Variants in SLC12A2 observed in about 807,000 individuals in gnomAD.
The protein encoded by SLC12A2 is Na-K-2Cl cotransporter 1.
SLC12A2 carries 67 observed loss-of-function variants against 136.3 expected under a neutral mutation model. The ratio of observed to expected loss-of-function variants is 0.49; its 90% CI spans 0.40 to 0.60. The LOEUF (loss-of-function observed/expected upper bound fraction) is 0.60, where lower values mean the gene tolerates loss of function less well. Among genes scored for constraint, SLC12A2 ranks in the 20% least tolerant of loss-of-function variants. SLC12A2 has a pLI of 0.00. For synonymous variants in SLC12A2, 619 were observed against 562.9 expected (o/e 1.10, Z -1.41); for missense variants, 1,322 against 1,534.7 (o/e 0.86, Z 2.32).
intron 18 of SLC12A2, 49 bp downstream of exon 18, chr5:128,167,916 T>C: frequency 8.9e-7 from 1 of 1,124,982 alleles, no homozygotes; most frequent in Non-Finnish European, 1.3e-6. Flanking sequence ...AAAATGTTAA[T>C]TTTGAAAGCT....
chr5:128,151,135 C>A, intron 13 of SLC12A2, 106 bp from the exon 14 acceptor site: 1 of 913,458 alleles, frequency 1.1e-6, no homozygotes, highest in Non-Finnish European at 1.6e-6. Context: ...GCTTAAAGTC[C>A]TCTCAGTGTG....
intron 18 of SLC12A2, chr5:128,168,652 G>A (rs1478209200): frequency 6.6e-6 from 1 of 152,226 alleles, no homozygotes; most frequent in African/African-American, 2.4e-5. Flanking sequence ...CCGTCTGGGG[G>A]TGATGGGAGA....
chr5:128,184,344 G>A (rs2126761294), intron 24 of SLC12A2, 22 bp from the exon 25 acceptor site: 1 of 1,409,616 alleles, frequency 7.1e-7, no homozygotes, highest in South Asian at 1.4e-5. Flanking sequence ...TTAGTTGTCA[G>A]TATTCTTTCT....
intron 20 of SLC12A2, among the ~76,000 whole-genome samples, chr5:128,176,757 G>A (rs1202971722): frequency 6.6e-6 from 1 of 151,974 alleles, no homozygotes; most frequent in East Asian, 1.9e-4. Flanking sequence ...CAATATCAAT[G>A]TTTAATGTCA....
intron 10 of SLC12A2, among the ~76,000 whole-genome samples, chr5:128,143,394 A>C (rs530726261): frequency 6.6e-6 from 1 of 152,272 alleles, no homozygotes; most frequent in East Asian, 1.9e-4. Context: ...TTAATTCTGA[A>C]TGGATACTAG....
At chr5:128,131,954 G>A (rs780632312) in intron 5 of SLC12A2, among the ~76,000 whole-genome samples, 3 of 152,300 alleles carry the variant, frequency 2.0e-5, no homozygotes, top group South Asian at 4.1e-4. Context: ...GCGGTGAGCC[G>A]AGATCGCGCC....
chr5:128,186,399 CTGTTA>C, intron 26 of SLC12A2, 92 bp from the exon 27 acceptor site: 1 of 1,173,904 alleles, frequency 8.5e-7, no homozygotes, highest in Non-Finnish European at 1.2e-6. Context: ...TTTACAGTAA[CTGTTA>C]TTGTAATCTA....
At chr5:128,120,506 A>G (rs1268792301) in intron 4 of SLC12A2, among the ~76,000 whole-genome samples, 1 of 151,706 alleles carries the variant, frequency 6.6e-6, no homozygotes, top group East Asian at 1.9e-4. Context: ...TGGCACATAT[A>G]CACCATGGAA....
Position 128,131,202 on chromosome 5 carries a change from T to C in SLC12A2, c.1184T>C (p.Leu395Pro). 3.7e-6 allele frequency: 6 copies of C among 1,614,128 alleles called. No homozygotes were observed. Among genetic ancestry groups the C allele is most frequent in the Non-Finnish European group, 5.1e-6 (6 of 1,179,966 alleles). Residue 395 changes from leucine (L) to proline (P), a missense_variant, in exon 5 of 27, where the codon CTT (leucine) becomes CCT (proline). This residue lies in a region of SLC12A2 where 110 missense variants were observed against 114.5 expected (regional missense o/e 0.96). Coordinates refer to ENST00000262461, the MANE Select transcript of SLC12A2 (RefSeq NM_001046.3). ...TTTGCAGAAACCGTGGTGGAGTTGC[T>C]TAAGGTAATTCACCTTCCTTCTAGT... Reference protein sequence around the residue: ...VGFAETVVELLKEHSILMIDE... With the variant: ...VGFAETVVELPKEHSILMIDE...
At chr5:128,119,135 A>G (rs1761460253) in intron 4 of SLC12A2, among the ~76,000 whole-genome samples, 1 of 152,084 alleles carries the variant, frequency 6.6e-6, no homozygotes, top group Admixed American at 6.6e-5. Flanking sequence ...TTGACTGCCT[A>G]CCTTGTAAGG....
chr5:128,171,215 C>CA, intron 18 of SLC12A2: 1 of 153,540 alleles, frequency 6.5e-6, no homozygotes, highest in East Asian at 1.9e-4. Context: ...AAAATTCCCT[C>CA]AGTCTTTTCA....
intron 1 of SLC12A2, among the ~76,000 whole-genome samples, chr5:128,089,105 T>C (rs1168394832): frequency 2.7e-5 from 4 of 148,518 alleles, no homozygotes; most frequent in Non-Finnish European, 5.9e-5. Flanking sequence ...GAGGTGGAGA[T>C]TGCAGTGAGC....
intron 17 of SLC12A2, among the ~76,000 whole-genome samples, chr5:128,166,405 C>A (rs1239600101): frequency 2.0e-5 from 3 of 151,588 alleles, no homozygotes; most frequent in Non-Finnish European, 4.4e-5. Flanking sequence ...GTTTTATTCA[C>A]AATAGCCAAA....
intron 1 of SLC12A2, among the ~76,000 whole-genome samples, chr5:128,087,058 A>G (rs914078406): frequency 9.9e-5 from 15 of 152,256 alleles, no homozygotes; most frequent in African/African-American, 3.6e-4. Context: ...AAAATACTTC[A>G]GAAACTTGTT....
chr5:128,137,126 G>A (rs1172018760), intron 7 of SLC12A2, among the ~76,000 whole-genome samples: 1 of 152,150 alleles, frequency 6.6e-6, no homozygotes, highest in Non-Finnish European at 1.5e-5. Flanking sequence ...AACATTAATA[G>A]TATATGTCAT....
At chr5:128,104,810 T>C (rs1760875779) in intron 1 of SLC12A2, among the ~76,000 whole-genome samples, 1 of 152,072 alleles carries the variant, frequency 6.6e-6, no homozygotes, top group African/African-American at 2.4e-5. Flanking sequence ...AGATGCTGTA[T>C]ACCCTGGGAG....
chr5:128,145,136 C>T (rs1188656186), intron 10 of SLC12A2, among the ~76,000 whole-genome samples: 2 of 152,008 alleles, frequency 1.3e-5, no homozygotes, highest in Admixed American at 6.6e-5. Flanking sequence ...CATAGTATTT[C>T]CAGATGAAAA....
rs371700719 is a variant in SLC12A2, at chr5:128,131,146, C to T, written c.1128C>T (p.Asn376=). ...GAIGLIFAFA[N]AVAVAMYVVG... is the part of the protein sequence containing the mutation. The stretch of plus-strand genomic sequence containing the variant: ...TTGGTCTAATCTTCGCCTTTGCCAA[C>T]GCTGTTGCAGTTGCTATGTATGTGG... Residue 376 remains asparagine, a synonymous_variant, in exon 5 of 27, where the codon AAC becomes AAT. Coordinates refer to ENST00000262461, the MANE Select transcript of SLC12A2 (RefSeq NM_001046.3). 150 of 1,614,020 alleles carry T rather than the reference C, an allele frequency of 9.3e-5. No individual in the cohort carries two copies. The highest frequency in any genetic ancestry group is 3.8e-4 in the Admixed American group (23 of 60,004).
At chr5:128,134,419 T>A (rs952476700) in intron 6 of SLC12A2, 144 bp downstream of exon 6, 5 of 563,182 alleles carry the variant, frequency 8.9e-6, no homozygotes, top group Admixed American at 6.1e-5. Flanking sequence ...TGTATAAGGT[T>A]ATTTTCTACT....
Sources: gnomAD v4.1 joint callset for allele counts (sites outside exome capture counted in the v4.1 genomes callset) on GRCh38, gnomAD v4.1.1 for gene constraint, gnomAD v4.1.1 regional missense constraint, MANE v1.5 for transcripts, NCBI Gene and HGNC (gene_info 2026-07-23, HGNC 2026-07-21) for gene names.